The following CTNNA3 variants were observed in gnomAD, a reference collection of about 807,000 sequenced individuals.
CTNNA3 encodes catenin alpha 3.
Under a neutral mutation model 95.7 loss-of-function variants are expected in CTNNA3, and 76 were observed. The observed-to-expected ratio is 0.79, with a 90% CI of 0.66 to 0.96. The LOEUF (loss-of-function observed/expected upper bound fraction) is 0.96, where lower values mean the gene tolerates loss of function less well. Among genes scored for constraint, CTNNA3 ranks in the 40% least tolerant of loss-of-function variants. The pLI is 0.00. For missense variants in CTNNA3, 1,191 were observed against 1,089.8 expected (o/e 1.09, Z -1.31); for synonymous variants, 431 against 374.4 (o/e 1.15, Z -1.74).
intron 15 of CTNNA3, among the ~76,000 whole-genome samples, chr10:66,068,321 C>T (rs908296916): frequency 2.0e-5 from 3 of 151,750 alleles, no homozygotes; most frequent in African/African-American, 7.3e-5. Context: ...TTTGTTTATC[C>T]AGTTATCCAT....
chr10:67,558,410 C>A (rs1417957650), intron 3 of CTNNA3, among the ~76,000 whole-genome samples: 1 of 152,178 alleles, frequency 6.6e-6, no homozygotes, highest in Non-Finnish European at 1.5e-5. Flanking sequence ...CTTTTAATAT[C>A]AATTCTATTC....
At chr10:66,117,109 G>T (rs2082374567) in intron 13 of CTNNA3, among the ~76,000 whole-genome samples, 1 of 152,154 alleles carries the variant, frequency 6.6e-6, no homozygotes, top group Admixed American at 6.6e-5. Context: ...GAGAGTTGGT[G>T]GGAGGAGTGA....
intron 8 of CTNNA3, among the ~76,000 whole-genome samples, chr10:66,771,194 A>G (rs1237192148): frequency 1.3e-5 from 2 of 152,284 alleles, no homozygotes; most frequent in South Asian, 2.1e-4. Context: ...ATCCCATTTG[A>G]CATACTTCAT....
intron 5 of CTNNA3, among the ~76,000 whole-genome samples, chr10:67,303,866 A>G (rs552768552): frequency 1.3e-5 from 2 of 152,292 alleles, no homozygotes; most frequent in East Asian, 1.9e-4. Flanking sequence ...ATTTCTGTTC[A>G]TATCAGAACC....
At chr10:66,120,762 G>A (rs938242111) in intron 13 of CTNNA3, among the ~76,000 whole-genome samples, 2 of 152,188 alleles carry the variant, frequency 1.3e-5, no homozygotes, top group African/African-American at 2.4e-5. Flanking sequence ...TACCCAGACA[G>A]TGAAAGTTTA....
At chr10:66,199,335 G>T (rs2087167237) in intron 13 of CTNNA3, among the ~76,000 whole-genome samples, 1 of 152,038 alleles carries the variant, frequency 6.6e-6, no homozygotes, top group Non-Finnish European at 1.5e-5. Flanking sequence ...AATACCAGCT[G>T]CCCAAATTAA....
chr10:67,066,918 G>A (rs952160625), intron 7 of CTNNA3, among the ~76,000 whole-genome samples: 1 of 152,150 alleles, frequency 6.6e-6, no homozygotes, highest in Non-Finnish European at 1.5e-5. Flanking sequence ...TTGGACATGA[G>A]CAATATTTAT....
At chr10:67,438,701 TG>T (rs1253002463) in intron 5 of CTNNA3, among the ~76,000 whole-genome samples, 1 of 152,128 alleles carries the variant, frequency 6.6e-6, no homozygotes, top group Non-Finnish European at 1.5e-5. Context: ...CTCCAGGCAG[TG>T]ACCATCTGGC....
chr10:67,717,793 C>G lies in CTNNA3; in HGVS notation c.-2+45641G>C, dbSNP rs569344539. Among the ~76,000 whole-genome samples, 6 of 152,234 alleles carry G rather than the reference C, an allele frequency of 3.9e-5. 1 individual carries two copies. Among genetic ancestry groups the G allele is most frequent in the African/African-American group, 1.2e-4 (5 of 41,548 alleles). On this transcript the variant is annotated intron_variant, in intron 1 of 17. Transcript: ENST00000684154. ...TTCTTTTTGCTTAGGATTGTCTAGG[C>G]TATACGGGCTCTTTTTTGGTTCCAT...
intron 5 of CTNNA3, among the ~76,000 whole-genome samples, chr10:67,293,580 A>C (rs1029934013): frequency 1.3e-5 from 2 of 152,130 alleles, no homozygotes; most frequent in Middle Eastern, 6.8e-3. Flanking sequence ...GGTTAGCTAC[A>C]TATGTATACA....
chr10:66,327,256 T>A (rs2092265328), intron 12 of CTNNA3, among the ~76,000 whole-genome samples: 1 of 152,102 alleles, frequency 6.6e-6, no homozygotes, highest in Non-Finnish European at 1.5e-5. Flanking sequence ...AATAGGAATG[T>A]TCCTGCTATC....
chr10:66,637,554 A>C (rs985358202), intron 9 of CTNNA3, among the ~76,000 whole-genome samples: 1 of 152,204 alleles, frequency 6.6e-6, no homozygotes, highest in African/African-American at 2.4e-5. Context: ...AACCGTTGTC[A>C]GGCTCAGCCT....
At chr10:67,211,470 T>C (rs544421159) in intron 6 of CTNNA3, among the ~76,000 whole-genome samples, 13 of 152,282 alleles carry the variant, frequency 8.5e-5, no homozygotes, top group African/African-American at 2.9e-4. Flanking sequence ...ATAAAGGAGA[T>C]GTTGTCCTTC....
chr10:67,231,780 G>A (rs947808983), intron 5 of CTNNA3, among the ~76,000 whole-genome samples: 6 of 152,168 alleles, frequency 3.9e-5, no homozygotes, highest in African/African-American at 1.2e-4. Context: ...TTAGAAGAAT[G>A]TATAACCACA....
chr10:67,142,170 G>T (rs1860598425), intron 7 of CTNNA3, among the ~76,000 whole-genome samples: 1 of 151,876 alleles, frequency 6.6e-6, no homozygotes, highest in Admixed American at 6.5e-5. Flanking sequence ...GGGGGCAGGT[G>T]AGAGGAAAAA....
intron 5 of CTNNA3, among the ~76,000 whole-genome samples, chr10:67,311,099 G>A (rs1334443712): frequency 2.6e-5 from 4 of 152,054 alleles, no homozygotes; most frequent in South Asian, 2.1e-4. Context: ...TACCTTCTGC[G>A]CCTTAAAAGA....
chr10:67,468,046 C>G (rs1316807246), intron 5 of CTNNA3, among the ~76,000 whole-genome samples: 1 of 150,190 alleles, frequency 6.7e-6, no homozygotes, highest in African/African-American at 2.4e-5. Flanking sequence ...ACTTTAAGTT[C>G]AGAGGTACAC....
At chr10:67,102,004 G>C (rs1440897113) in intron 7 of CTNNA3, among the ~76,000 whole-genome samples, 3 of 151,668 alleles carry the variant, frequency 2.0e-5, no homozygotes, top group African/African-American at 7.3e-5. Context: ...CAGGAGAAAA[G>C]GTGAAAATTT....
At chr10:67,144,345 C>T (rs1860741858) in intron 7 of CTNNA3, among the ~76,000 whole-genome samples, 1 of 152,164 alleles carries the variant, frequency 6.6e-6, no homozygotes, top group African/African-American at 2.4e-5. Context: ...TTAAAGTCAC[C>T]AGCTACATTA....
Sources: gnomAD v4.1 joint callset for allele counts (sites outside exome capture counted in the v4.1 genomes callset) on GRCh38, gnomAD v4.1.1 for gene constraint, MANE v1.5 for transcripts, NCBI Gene and HGNC (gene_info 2026-07-23, HGNC 2026-07-21) for gene names.